Variants in FBXW11 observed in about 807,000 individuals in gnomAD.
FBXW11 encodes the protein F-box and WD repeat domain containing 11.
In FBXW11, 19 loss-of-function variants were observed where a neutral mutation model predicts 77.6. The observed-to-expected ratio is 0.24, with a 90% CI of 0.17 to 0.36. The LOEUF is 0.36. Ranked by LOEUF, FBXW11 falls within the 10% of genes least tolerant of loss-of-function variation. FBXW11 has a pLI of 1.00. For synonymous variants in FBXW11, 235 were observed against 249.4 expected (o/e 0.94, Z 0.54); for missense variants, 334 against 704.2 (o/e 0.47, Z 5.95).
At chr5:171,872,824 A>G (rs1468540213) in intron 10 of FBXW11, 48 bp downstream of exon 10, 2 of 1,384,794 alleles carry the variant, frequency 1.4e-6, no homozygotes, top group South Asian at 2.3e-5. Flanking sequence ...TGAGTCAACA[A>G]TGTGGCAAAA....
At chr5:171,927,996 G>A (rs1361502690) in intron 2 of FBXW11, among the ~76,000 whole-genome samples, 1 of 152,146 alleles carries the variant, frequency 6.6e-6, no homozygotes, top group Non-Finnish European at 1.5e-5. Flanking sequence ...CAGCAAGGTT[G>A]AGCACTTCCA....
rs1040631920 is a variant in FBXW11 at position 171,904,573 on chromosome 5, T to C, written c.437-4473A>G. Reference sequence around the variant, plus strand: ...CAGGAATCTGGGTGTGGTTTTTTTGTTGTTGTTGTTGTTTTTGGAAACAGA... The same window carrying C: ...CAGGAATCTGGGTGTGGTTTTTTTGCTGTTGTTGTTGTTTTTGGAAACAGA... On this transcript the variant is annotated intron_variant, in intron 4 of 13. Transcript: ENST00000517395. This position sits in a 1 kb window ranked among gnomAD's most constrained non-coding sequence, Gnocchi z 4.0. Among the ~76,000 whole-genome samples, 30 of 151,856 alleles carry C rather than the reference T, an allele frequency of 2.0e-4. No individual in the cohort carries two copies. The highest frequency in any genetic ancestry group is 7.3e-4 in the African/African-American group (30 of 41,348).
rs974702758 is a variant in FBXW11, at chr5:171,932,934, T to C, written c.148-18529A>G. ...GGACTTGAGACCAGACTGAACAACA[T>C]AGGGAGACTCTGCCTCTACCAAAAA... On this transcript the variant is annotated intron_variant, in intron 2 of 13. Coordinates refer to ENST00000517395, the MANE Select transcript of FBXW11 (RefSeq NM_001378974.1). Among the ~76,000 whole-genome samples, 8 of 99,214 alleles carry C rather than the reference T, an allele frequency of 8.1e-5. No homozygotes were observed. In the Admixed American group the frequency reaches 1.0e-3, roughly 13 times the overall value. The allele number at this position is 99,214 out of a possible 152,430, so 65.1% of individuals were successfully genotyped here.
In FBXW11 at chr5:172,006,577, G is replaced by A; in HGVS notation, c.-75C>T. ...CCGGGCGGAGGAGGCGACGGCGGAG[G>A]CGGCAGAGGCGGAGGCGGCTATCGC... On this transcript the variant is annotated 5_prime_UTR_variant, in exon 1 of 14. Transcript: ENST00000517395. 2 of 1,421,402 alleles carry A rather than the reference G, an allele frequency of 1.4e-6. No homozygotes were observed. The highest frequency in any genetic ancestry group is 1.5e-5 in the South Asian group (1 of 67,208). The allele number at this position is 1,421,402 out of a possible 1,614,324, so 88.0% of individuals were successfully genotyped here. A position where few individuals can be genotyped will look rare whatever the true frequency, so the allele number is the denominator to read the frequency against.
chr5:171,909,568 G>A (rs1292588955), intron 4 of FBXW11, among the ~76,000 whole-genome samples: 1 of 152,140 alleles, frequency 6.6e-6, no homozygotes, highest in Non-Finnish European at 1.5e-5. Flanking sequence ...GCAGGCTGAG[G>A]GAACGGGTTA....
intron 2 of FBXW11, among the ~76,000 whole-genome samples, chr5:171,937,239 G>C (rs1465376194): frequency 6.6e-6 from 1 of 152,080 alleles, no homozygotes; most frequent in African/African-American, 2.4e-5. Flanking sequence ...ACTTACATGA[G>C]TATTCAGTAA....
intron 2 of FBXW11, among the ~76,000 whole-genome samples, chr5:171,945,192 T>G (rs759093360): frequency 7.9e-5 from 12 of 152,240 alleles, no homozygotes; most frequent in Non-Finnish European, 1.3e-4. Flanking sequence ...GGAAGCTATT[T>G]TCAATTGGGT....
rs372455490 is a variant in FBXW11 at position 171,875,670 on chromosome 5, T to C, written c.1221+615A>G. ...AATTCAAAAAAGTTAGCTGAGATAT[T>C]GGAATCAGGACTGCATTTACCATAT... On this transcript the variant is annotated intron_variant, in intron 9 of 13. Transcript: ENST00000517395. Among the ~76,000 whole-genome samples the C allele has an allele frequency of 1.1e-3, 175 of 152,278 alleles. 1 individual carries two copies. Among genetic ancestry groups the C allele is most frequent in the African/African-American group, 3.9e-3 (164 of 41,552 alleles).
intron 4 of FBXW11, among the ~76,000 whole-genome samples, chr5:171,909,587 T>C (rs1279634766): frequency 1.3e-5 from 2 of 152,208 alleles, no homozygotes; most frequent in Non-Finnish European, 2.9e-5. Context: ...TATGTGAATA[T>C]GGGAATTCTC....
intron 1 of FBXW11, among the ~76,000 whole-genome samples, chr5:171,976,749 A>C (rs1426750555): frequency 6.6e-6 from 1 of 152,076 alleles, no homozygotes; most frequent in African/African-American, 2.4e-5. Context: ...GGTGAGCTCT[A>C]AGACATAAAT....
intron 1 of FBXW11, among the ~76,000 whole-genome samples, chr5:171,986,689 C>T (rs531857466): frequency 4.0e-5 from 6 of 148,704 alleles, no homozygotes; most frequent in Middle Eastern, 3.7e-3. Context: ...ATGGCGCCAC[C>T]GCACTCCAGC....
At chr5:171,906,724 A>T (rs534150829) in intron 4 of FBXW11, among the ~76,000 whole-genome samples, 1 of 152,314 alleles carries the variant, frequency 6.6e-6, no homozygotes, top group East Asian at 1.9e-4. Context: ...GGGACCACAC[A>T]GCTGTAAAGT....
At chr5:171,966,313 T>G (rs753722986) in intron 1 of FBXW11, among the ~76,000 whole-genome samples, 4 of 152,030 alleles carry the variant, frequency 2.6e-5, no homozygotes, top group Non-Finnish European at 5.9e-5. Flanking sequence ...ATCAAAATCA[T>G]AATGGTTTAT....
At chr5:171,900,137 G>A (rs895495812) in intron 4 of FBXW11, 37 bp from the exon 5 acceptor site, 1 of 1,525,692 alleles carries the variant, frequency 6.6e-7, no homozygotes, top group Non-Finnish European at 8.9e-7. Context: ...AACGGGAAGA[G>A]AGATAGAAAG....
At chr5:171,977,223 T>A (rs1764879759) in intron 1 of FBXW11, among the ~76,000 whole-genome samples, 1 of 147,578 alleles carries the variant, frequency 6.8e-6, no homozygotes, top group Non-Finnish European at 1.5e-5. Context: ...GTGGATCGCT[T>A]GAACCCTGCC....
chr5:171,969,179 A>T (rs1764387406), intron 1 of FBXW11, among the ~76,000 whole-genome samples: 1 of 152,198 alleles, frequency 6.6e-6, no homozygotes, highest in Non-Finnish European at 1.5e-5. Flanking sequence ...GAGCCAGAAG[A>T]ATCATGTGAA....
intron 1 of FBXW11, 94 bp downstream of exon 1, chr5:172,006,364 G>A: frequency 8.5e-6 from 10 of 1,174,940 alleles, no homozygotes; most frequent in Non-Finnish European, 1.2e-5. Context: ...GTCTGGGAAG[G>A]GCCAGAGCCG....
intron 1 of FBXW11, among the ~76,000 whole-genome samples, chr5:171,968,299 A>C (rs1764332134): frequency 6.6e-6 from 1 of 151,904 alleles, no homozygotes; most frequent in African/African-American, 2.4e-5. Flanking sequence ...TCTACTAAAA[A>C]TACAAAAAAT....
chr5:171,972,094 G>A (rs554773026), intron 1 of FBXW11, among the ~76,000 whole-genome samples: 199 of 142,042 alleles, frequency 1.4e-3, no homozygotes, highest in African/African-American at 4.9e-3. Flanking sequence ...TTAGCTGGGC[G>A]TGGTGGTGTA....
Sources: gnomAD v4.1 joint callset for allele counts (sites outside exome capture counted in the v4.1 genomes callset) on GRCh38, gnomAD v4.1.1 for gene constraint, Gnocchi (gnomAD v3.1) non-coding constraint, MANE v1.5 for transcripts, NCBI Gene and HGNC (gene_info 2026-07-23, HGNC 2026-07-21) for gene names.